MGMT: variants seen among roughly 807,000 people sequenced by gnomAD.
The protein encoded by MGMT is O-6-methylguanine-DNA methyltransferase.
Under a neutral mutation model 15.9 loss-of-function variants are expected in MGMT, and 14 were observed. That is an observed-to-expected ratio of 0.88 (90% CI 0.58 to 1.37). MGMT has a LOEUF of 1.37. Among genes scored for constraint, MGMT ranks in the 40% most tolerant of loss-of-function variants. MGMT has a pLI of 0.00. For synonymous variants in MGMT, 130 were observed against 118.2 expected (o/e 1.10, Z -0.65); for missense variants, 282 against 268.1 (o/e 1.05, Z -0.36).
intron 2 of MGMT, among the ~76,000 whole-genome samples, chr10:129,606,223 G>A (rs571843245): frequency 2.6e-4 from 39 of 152,312 alleles, no homozygotes; most frequent in Non-Finnish European, 4.3e-4. Flanking sequence ...TGCATTGTGG[G>A]ATTAGGAGGG....
chr10:129,732,612 T>A (rs1848513534), intron 3 of MGMT, among the ~76,000 whole-genome samples: 1 of 151,430 alleles, frequency 6.6e-6, no homozygotes, highest in African/African-American at 2.4e-5. Context: ...AATGTGCAGG[T>A]TAGTTACATA....
rs1564790532 is a variant in MGMT, at chr10:129,770,011, ACTT to A, written c.*3018_*3020del. ...TACTTGGGGTTTGTAATTTGTATAC[ACTT>A]CTTACCCAGCAGAAACAGCTTACTG... On this transcript the variant is annotated 3_prime_UTR_variant, in exon 5 of 5. Transcript: ENST00000651593. 6.6e-6 allele frequency among the ~76,000 whole-genome samples: 1 copy of A among 152,126 alleles called. No individual in the cohort carries two copies. The highest frequency in any genetic ancestry group is 2.4e-5 in the African/African-American group (1 of 41,416).
At position 129,769,219 on chromosome 10, in the gene MGMT, G is replaced by C. The variant is rs941090709; in HGVS notation, c.*2222G>C. The C allele has an allele frequency of 6.6e-6, 1 of 152,326 alleles. No homozygotes were observed. Among genetic ancestry groups the C allele is most frequent in the Admixed American group, 6.5e-5 (1 of 15,296 alleles). 9.4% of individuals were successfully genotyped at this position (152,326 alleles called of 1,614,324 possible). A position where few individuals can be genotyped will look rare whatever the true frequency, so the allele number is the denominator to read the frequency against. ...GAACAGGCTTGATAGATGCCCGGAG[G>C]TTCCCTCTGACAGCCGCAGCAGCAG... On this transcript the variant is annotated 3_prime_UTR_variant, in exon 5 of 5. Transcript: ENST00000651593.
chr10:129,530,852 C>T (rs1564843946), intron 1 of MGMT, among the ~76,000 whole-genome samples: 1 of 152,228 alleles, frequency 6.6e-6, no homozygotes, highest in Non-Finnish European at 1.5e-5. Flanking sequence ...GGCTCCTCGC[C>T]CGGGGGCCCC....
At chr10:129,496,216 T>C (rs139051634) in intron 1 of MGMT, among the ~76,000 whole-genome samples, 9 of 152,292 alleles carry the variant, frequency 5.9e-5, no homozygotes, top group Admixed American at 5.9e-4. Flanking sequence ...ATGCCTGGAA[T>C]TTTCATCGTC....
intron 2 of MGMT, among the ~76,000 whole-genome samples, chr10:129,669,064 T>C (rs1451854182): frequency 6.6e-6 from 1 of 152,214 alleles, no homozygotes; most frequent in Non-Finnish European, 1.5e-5. Flanking sequence ...TGGCAGTGCT[T>C]CCTTAAGTGT....
chr10:129,716,012 G>A (rs1234901078), intron 3 of MGMT, among the ~76,000 whole-genome samples: 1 of 152,144 alleles, frequency 6.6e-6, no homozygotes, highest in Non-Finnish European at 1.5e-5. Context: ...CTGAGGCCGC[G>A]TGGAGATGGG....
In MGMT at chr10:129,543,012, C is replaced by T. The variant is rs571604324; in HGVS notation, c.125+6635C>T. Among the ~76,000 whole-genome samples, 100 of 152,288 alleles carry T rather than the reference C, an allele frequency of 6.6e-4. 5 individuals are homozygous for T. The South Asian group carries it at 0.02, about 30-fold the overall frequency. ...TCCTTTAGAAGCCAGACAATGGCCT[C>T]GTCTTTCAGGTTGATGGCTAAAAAG... On this transcript the variant is annotated intron_variant, in intron 2 of 4. Transcript: ENST00000651593.
At chr10:129,736,983 G>T (rs888124366) in intron 3 of MGMT, among the ~76,000 whole-genome samples, 2 of 152,164 alleles carry the variant, frequency 1.3e-5, no homozygotes, top group Non-Finnish European at 2.9e-5. Flanking sequence ...CTCTCTGGCT[G>T]CCCTTAACAT....
chr10:129,751,443 A>G (rs1390811474), intron 3 of MGMT, among the ~76,000 whole-genome samples: 1 of 151,832 alleles, frequency 6.6e-6, no homozygotes, highest in Non-Finnish European at 1.5e-5. Flanking sequence ...TATAAATTTT[A>G]TTGATCATTT....
At chr10:129,709,789 C>T (rs949381832) in intron 3 of MGMT, among the ~76,000 whole-genome samples, 1 of 152,198 alleles carries the variant, frequency 6.6e-6, no homozygotes, top group Non-Finnish European at 1.5e-5. Context: ...GAGCTAGACC[C>T]TGCTGGCCTG....
chr10:129,750,211 G>A (rs1429852025), intron 3 of MGMT, among the ~76,000 whole-genome samples: 1 of 151,968 alleles, frequency 6.6e-6, no homozygotes, highest in African/African-American at 2.4e-5. Context: ...ATTTTCTCCT[G>A]TGTTATATTC....
At chr10:129,752,788 T>G (rs1459309382) in intron 3 of MGMT, among the ~76,000 whole-genome samples, 4 of 152,058 alleles carry the variant, frequency 2.6e-5, no homozygotes, top group Non-Finnish European at 4.4e-5. Flanking sequence ...AAATTGAAAA[T>G]CTCATTTCAT....
chr10:129,759,289 C>G lies in MGMT; in HGVS notation c.362C>G (p.Ala121Gly), dbSNP rs779780334. The G allele has an allele frequency of 6.2e-7, 1 of 1,614,176 alleles. No individual in the cohort carries two copies. Among genetic ancestry groups the G allele is most frequent in the South Asian group, 1.1e-5 (1 of 91,080 alleles). The change falls in exon 4 of 5, where the codon GCA becomes GGA. Residue 121 changes from alanine (A) to glycine (G), a missense_variant. Coordinates refer to ENST00000651593, the MANE Select transcript of MGMT (RefSeq NM_002412.5). The part of the protein sequence containing the change: ...VISYQQLAAL[A>G]GNPKAARAVG... ...TCTTACCAGCAATTAGCAGCCCTGG[C>G]AGGCAACCCCAAAGCCGCGCGAGCA...
rs1283981437 is a variant in MGMT at position 129,767,800 on chromosome 10, C to T, written c.*803C>T. On this transcript the variant is annotated 3_prime_UTR_variant, in exon 5 of 5. Transcript: ENST00000651593. ...CCAAAGGGCCCTCAGGGACCATGGG[C>T]CTGTTAGGACCCCAGCACCCCAGTG... 2.6e-5 allele frequency: 4 copies of T among 152,164 alleles called. No individual in the cohort carries two copies. In the East Asian group the frequency reaches 7.7e-4, roughly 29 times the overall value. 9.4% of individuals were successfully genotyped at this position (152,164 alleles called of 1,614,324 possible). A position where few individuals can be genotyped will look rare whatever the true frequency, so the allele number is the denominator to read the frequency against.
intron 3 of MGMT, among the ~76,000 whole-genome samples, chr10:129,739,995 C>G (rs1021950047): frequency 6.6e-6 from 1 of 152,214 alleles, no homozygotes; most frequent in African/African-American, 2.4e-5. Flanking sequence ...AGGATGGGCT[C>G]TGCCTCAGAG....
At position 129,659,269 on chromosome 10, in the gene MGMT, A is replaced by AT. The variant is rs1847567997; in HGVS notation, c.126-48624dup. 6.6e-6 allele frequency among the ~76,000 whole-genome samples: 1 copy of AT among 151,690 alleles called. No homozygotes were observed. The highest frequency in any genetic ancestry group is 1.5e-5 in the Non-Finnish European group (1 of 67,944). Reference sequence around the variant, plus strand: ...CTACTCGGGAGGCTGAGGCAGGAGAATTGCTTGAACCTGGGAGGCGGAGGT... The same window carrying AT: ...CTACTCGGGAGGCTGAGGCAGGAGAATTTGCTTGAACCTGGGAGGCGGAGGT... On this transcript the variant is annotated intron_variant, in intron 2 of 4. Transcript: ENST00000651593. The surrounding 1 kb of genome is among the most constrained non-coding windows in gnomAD (Gnocchi z 4.1).
At chr10:129,656,229 G>T (rs556445462) in intron 2 of MGMT, among the ~76,000 whole-genome samples, 2 of 152,248 alleles carry the variant, frequency 1.3e-5, no homozygotes, top group South Asian at 2.1e-4. Context: ...CTGGACTGCA[G>T]TCGGGAGGTG....
chr10:129,542,538 C>T (rs1215035069), intron 2 of MGMT, among the ~76,000 whole-genome samples: 1 of 152,120 alleles, frequency 6.6e-6, no homozygotes, highest in East Asian at 1.9e-4. Context: ...TCCAAAAAAA[C>T]GCGCTCTGTA....
Sources: gnomAD v4.1 joint callset for allele counts (sites outside exome capture counted in the v4.1 genomes callset) on GRCh38, gnomAD v4.1.1 for gene constraint, Gnocchi (gnomAD v3.1) non-coding constraint, MANE v1.5 for transcripts, NCBI Gene and HGNC (gene_info 2026-07-23, HGNC 2026-07-21) for gene names.